Variants in TMEM41B observed in about 807,000 individuals in gnomAD.
The protein encoded by TMEM41B is transmembrane protein 41B.
Under a neutral mutation model 31.9 loss-of-function variants are expected in TMEM41B, and 18 were observed. The ratio of observed to expected loss-of-function variants is 0.56; its 90% CI spans 0.39 to 0.84. TMEM41B has a LOEUF of 0.84. Among genes scored for constraint, TMEM41B ranks in the 40% least tolerant of loss-of-function variants. The pLI, the probability that TMEM41B is intolerant of heterozygous loss-of-function variation, is 0.00. For synonymous variants in TMEM41B, 144 were observed against 124.3 expected, an observed-to-expected ratio of 1.16 and a Z score of -1.05; for missense variants, 322 against 348.0, an observed-to-expected ratio of 0.93 and a Z score of 0.59.
chr11:9,284,208 A>C (rs1320419214), intron 6 of TMEM41B, among the ~76,000 whole-genome samples: 1 of 151,390 alleles, frequency 6.6e-6, no homozygotes, highest in Non-Finnish European at 1.5e-5. Context: ...GCAGTGGTGC[A>C]ATCATCACTC....
intron 6 of TMEM41B, among the ~76,000 whole-genome samples, chr11:9,286,193 G>A (rs1447148690): frequency 1.2e-4 from 1 of 8,026 alleles, no homozygotes; most frequent in Admixed American, 2.4e-3. Context: ...TAGAGGGACT[G>A]GAAGTCCTGC....
chr11:9,286,358 C>A, intron 6 of TMEM41B, 97 bp downstream of exon 6: 1 of 1,254,102 alleles, frequency 8.0e-7, no homozygotes, highest in Non-Finnish European at 1.1e-6. Flanking sequence ...ATGGTGCTGG[C>A]ATAATCTGCA....
rs2133645111 is a variant in TMEM41B at position 9,306,403 on chromosome 11, C to T, written c.122-6702G>A. ...TACTGTTATAGAAAGCCAGAATTCG[C>T]CGGGCATGGCGGCTCACGCCTGTAA... On this transcript the variant is annotated intron_variant, in intron 1 of 6. Coordinates refer to ENST00000528080, the MANE Select transcript of TMEM41B (RefSeq NM_015012.4). Among the ~76,000 whole-genome samples the T allele has an allele frequency of 2.0e-5, 3 of 152,244 alleles. No homozygotes were observed. In the East Asian group the frequency reaches 5.8e-4, roughly 29 times the overall value.
intron 3 of TMEM41B, among the ~76,000 whole-genome samples, chr11:9,292,559 T>C (rs1590376105): frequency 6.6e-6 from 1 of 152,252 alleles, no homozygotes; most frequent in Admixed American, 6.5e-5. Context: ...GCCTGGTGAC[T>C]CACACCTGTA....
At chr11:9,287,478 A>G (rs958062637) in intron 5 of TMEM41B, among the ~76,000 whole-genome samples, 1 of 152,236 alleles carries the variant, frequency 6.6e-6, no homozygotes, top group African/African-American at 2.4e-5. Flanking sequence ...ATAAAGAATT[A>G]AAATTACCAT....
chr11:9,292,243 G>A (rs906046942), intron 3 of TMEM41B, among the ~76,000 whole-genome samples: 1 of 152,096 alleles, frequency 6.6e-6, no homozygotes, highest in Non-Finnish European at 1.5e-5. Flanking sequence ...ACTTAGGGTA[G>A]TTTATGTTCT....
intron 1 of TMEM41B, among the ~76,000 whole-genome samples, chr11:9,303,935 T>C (rs1319514691): frequency 6.6e-6 from 1 of 152,198 alleles, no homozygotes; most frequent in Non-Finnish European, 1.5e-5. Context: ...CCCAAAGTGT[T>C]AGGATTACAG....
chr11:9,295,431 G>A (rs1564963024), intron 2 of TMEM41B, 44 bp from the exon 3 acceptor site: 1 of 1,188,138 alleles, frequency 8.4e-7, no homozygotes, highest in Non-Finnish European at 1.2e-6. Context: ...ATTTTGCCAA[G>A]ATAATATCAA....
In TMEM41B at chr11:9,298,523, G is replaced by A. The variant is rs547858671; in HGVS notation, c.239+1061C>T. 3.3e-5 allele frequency among the ~76,000 whole-genome samples: 5 copies of A among 151,394 alleles called. No individual in the cohort carries two copies. In the East Asian group the frequency reaches 9.7e-4, roughly 29 times the overall value. ...CTCACGCCTGTAATCCTAGTACTTT[G>A]GGAGGACAAGGTGGGCAGATCACTT... On this transcript the variant is annotated intron_variant, in intron 2 of 6. Transcript: ENST00000528080.
chr11:9,284,011 C>T (rs927889268), intron 6 of TMEM41B, among the ~76,000 whole-genome samples: 4 of 151,816 alleles, frequency 2.6e-5, no homozygotes, highest in Non-Finnish European at 4.4e-5. Flanking sequence ...CTCAAACTCC[C>T]GACCTCAGAT....
At position 9,289,234 on chromosome 11, in the gene TMEM41B, C is replaced by T. The variant is rs151177036; in HGVS notation, c.369-699G>A. ...CTAGTCTTGAACTCCTGGGCTCAAA[C>T]GATCCTCCCACAATGGACTCCCAAA... On this transcript the variant is annotated intron_variant, in intron 3 of 6. Transcript: ENST00000528080. Among the ~76,000 whole-genome samples the T allele has an allele frequency of 4.6e-3, 697 of 152,184 alleles. 2 individuals carry two copies. The highest frequency in any genetic ancestry group is 7.2e-3 in the Non-Finnish European group (489 of 68,004).
Position 9,282,274 on chromosome 11 carries a change from AG to A in TMEM41B, c.*1149del, listed in dbSNP as rs1378732933. 1 of 151,894 alleles carries A rather than the reference AG, an allele frequency of 6.6e-6. No individual in the cohort carries two copies. Among genetic ancestry groups the A allele is most frequent in the Admixed American group, 6.6e-5 (1 of 15,208 alleles). 9.4% of individuals were successfully genotyped at this position (151,894 alleles called of 1,614,324 possible). ...ACACCTGTAATCCCAGCTACTCAGGAGGCTGGGCCAGGAGAATCGCTTGAAC... is the reference window on the plus strand; with the variant it reads ...ACACCTGTAATCCCAGCTACTCAGGAGCTGGGCCAGGAGAATCGCTTGAAC... On this transcript the variant is annotated 3_prime_UTR_variant, in exon 7 of 7. Coordinates refer to ENST00000528080, the MANE Select transcript of TMEM41B (RefSeq NM_015012.4).
chr11:9,309,405 A>G (rs899921849), intron 1 of TMEM41B, among the ~76,000 whole-genome samples: 7 of 151,830 alleles, frequency 4.6e-5, no homozygotes, highest in African/African-American at 1.7e-4. Flanking sequence ...TAGACCAAAA[A>G]AATTCTGATA....
At chr11:9,310,401 C>A (rs1375062346) in intron 1 of TMEM41B, among the ~76,000 whole-genome samples, 2 of 147,890 alleles carry the variant, frequency 1.4e-5, no homozygotes, top group East Asian at 4.0e-4. Context: ...CAAAAAAAAA[C>A]CAGCATTTAA....
chr11:9,293,812 C>A (rs1349250319), intron 3 of TMEM41B, among the ~76,000 whole-genome samples: 1 of 152,000 alleles, frequency 6.6e-6, no homozygotes, highest in East Asian at 1.9e-4. Flanking sequence ...GAACCCCTGA[C>A]CTCACGTGAT....
Position 9,283,296 on chromosome 11 carries a change from C to G in TMEM41B, c.*128G>C. On this transcript the variant is annotated 3_prime_UTR_variant, in exon 7 of 7. Transcript: ENST00000528080. The stretch of plus-strand genomic sequence containing the variant: ...CACTTAAATGTATTACTTTAACTAT[C>G]TGATAGGAAATTTTATTTTACAAAT... 1 of 740,752 alleles carries G rather than the reference C, an allele frequency of 1.3e-6. No individual in the cohort carries two copies. 45.9% of individuals were successfully genotyped at this position (740,752 alleles called of 1,614,324 possible).
intron 1 of TMEM41B, among the ~76,000 whole-genome samples, chr11:9,305,679 A>G (rs1448998939): frequency 6.6e-6 from 1 of 152,176 alleles, no homozygotes. Flanking sequence ...AAATCCATCT[A>G]AAAGTATGCT....
At chr11:9,311,416 TCA>T in intron 1 of TMEM41B, 3 of 1,392,100 alleles carry the variant, frequency 2.2e-6, no homozygotes, top group Non-Finnish European at 3.1e-6. Flanking sequence ...GCCAAGGGAC[TCA>T]CAGGAGGCAT....
chr11:9,297,871 C>T (rs1298050960), intron 2 of TMEM41B, among the ~76,000 whole-genome samples: 1 of 151,752 alleles, frequency 6.6e-6, no homozygotes, highest in African/African-American at 2.4e-5. Context: ...GTGGCTCACA[C>T]CTGTAATCCC....
Sources: gnomAD v4.1 joint callset for allele counts (sites outside exome capture counted in the v4.1 genomes callset) on GRCh38, gnomAD v4.1.1 for gene constraint, MANE v1.5 for transcripts, NCBI Gene and HGNC (gene_info 2026-07-23, HGNC 2026-07-21) for gene names.